SLC30A9: variants seen among roughly 807,000 people sequenced by gnomAD.
SLC30A9 encodes the protein solute carrier family 30 member 9, also known as proton-coupled zinc antiporter SLC30A9, mitochondrial.
A neutral mutation model predicts 87.5 loss-of-function variants in SLC30A9; 58 were observed. The observed-to-expected ratio is 0.66, with a 90% CI of 0.54 to 0.82. SLC30A9 has a LOEUF of 0.82. Ranked by LOEUF, SLC30A9 falls within the 40% of genes least tolerant of loss-of-function variation. SLC30A9 has a pLI of 0.00. For missense variants in SLC30A9, 557 were observed against 679.1 expected, an observed-to-expected ratio of 0.82 and a Z score of 2.00; for synonymous variants, 234 against 233.0, an observed-to-expected ratio of 1.00 and a Z score of -0.04.
intron 1 of SLC30A9, among the ~76,000 whole-genome samples, chr4:41,999,768 T>A (rs761130123): frequency 4.6e-5 from 7 of 152,142 alleles, no homozygotes; most frequent in Non-Finnish European, 7.4e-5. Flanking sequence ...TCTGGATCTA[T>A]TCACATAGAA....
intron 2 of SLC30A9, among the ~76,000 whole-genome samples, chr4:42,010,987 G>T (rs931554884): frequency 1.3e-5 from 2 of 152,118 alleles, no homozygotes; most frequent in African/African-American, 4.8e-5. Context: ...CACCCCCACA[G>T]AAGGAGACTG....
intron 17 of SLC30A9, among the ~76,000 whole-genome samples, chr4:42,083,257 G>T (rs1309408997): frequency 6.6e-6 from 1 of 152,068 alleles, no homozygotes; most frequent in Non-Finnish European, 1.5e-5. Context: ...TGTAATTTGG[G>T]CTTTAACTCT....
chr4:42,012,474 T>A (rs1577683832), intron 2 of SLC30A9, among the ~76,000 whole-genome samples: 2 of 152,172 alleles, frequency 1.3e-5, no homozygotes, highest in Admixed American at 1.3e-4. Flanking sequence ...TTTTCTAAAA[T>A]TTTGGGAGGT....
chr4:42,075,053 A>T (rs1358034590), intron 15 of SLC30A9, among the ~76,000 whole-genome samples: 6 of 23,280 alleles, frequency 2.6e-4, no homozygotes, highest in East Asian at 4.3e-3. Context: ...ATATATATAT[A>T]TATATATTTT....
At chr4:42,072,810 TC>T (rs1180531191) in intron 15 of SLC30A9, among the ~76,000 whole-genome samples, 1 of 121,420 alleles carries the variant, frequency 8.2e-6, no homozygotes. Context: ...TATTGTTCTA[TC>T]CTTTTTTTTT....
chr4:42,033,825 T>C (rs1716559372), intron 6 of SLC30A9, among the ~76,000 whole-genome samples: 3 of 152,210 alleles, frequency 2.0e-5, no homozygotes, highest in African/African-American at 7.2e-5. Flanking sequence ...TCCACCCGCC[T>C]TGGCCTCCCA....
Position 42,034,686 on chromosome 4 carries a change from C to A in SLC30A9, c.611-589C>A, listed in dbSNP as rs548090236. Among the ~76,000 whole-genome samples, 13 of 152,262 alleles carry A rather than the reference C, an allele frequency of 8.5e-5. No homozygotes were observed. In the South Asian group the frequency reaches 2.7e-3, roughly 32 times the overall value. ...ATCCATTCATTCATCCATCCATGGA[C>A]ATTTGGGTTGCTTCACCTCTTGACT... On this transcript the variant is annotated intron_variant, in intron 6 of 17. Coordinates refer to ENST00000264451, the MANE Select transcript of SLC30A9 (RefSeq NM_006345.4).
intron 2 of SLC30A9, among the ~76,000 whole-genome samples, chr4:42,006,138 T>C (rs1056120956): frequency 2.6e-5 from 4 of 152,202 alleles, no homozygotes; most frequent in Admixed American, 2.0e-4. Context: ...TGATTTAAAG[T>C]ACATGGGAGG....
intron 7 of SLC30A9, 73 bp downstream of exon 7, chr4:42,035,406 T>A: frequency 6.6e-7 from 1 of 1,522,560 alleles, no homozygotes; most frequent in African/African-American, 1.4e-5. Context: ...CATTGTAAAA[T>A]TCTAGCATGT....
At chr4:42,057,411 G>T (rs1717667215) in intron 9 of SLC30A9, among the ~76,000 whole-genome samples, 1 of 152,180 alleles carries the variant, frequency 6.6e-6, no homozygotes, top group African/African-American at 2.4e-5. Flanking sequence ...GCACCCACAG[G>T]CCCAACACCA....
chr4:42,059,697 TACAA>T (rs1717766412), intron 9 of SLC30A9, among the ~76,000 whole-genome samples: 2 of 152,308 alleles, frequency 1.3e-5, no homozygotes, highest in African/African-American at 4.8e-5. Context: ...TCTTCAGAGA[TACAA>T]ACATAGTTAC....
chr4:42,034,536 G>C (rs949390319), intron 6 of SLC30A9, among the ~76,000 whole-genome samples: 9 of 151,746 alleles, frequency 5.9e-5, no homozygotes, highest in Admixed American at 5.9e-4. Context: ...ATGTCCTTTT[G>C]AGATGGGCTT....
At chr4:42,018,739 C>T (rs1391256385) in intron 3 of SLC30A9, among the ~76,000 whole-genome samples, 1 of 152,156 alleles carries the variant, frequency 6.6e-6, no homozygotes, top group East Asian at 1.9e-4. Context: ...TACTTGACTT[C>T]TCTGAGGCTT....
At chr4:42,074,705 T>C (rs1333712886) in intron 15 of SLC30A9, among the ~76,000 whole-genome samples, 2 of 152,108 alleles carry the variant, frequency 1.3e-5, no homozygotes, top group Non-Finnish European at 2.9e-5. Flanking sequence ...TATCCACTTA[T>C]GAAAGCCATC....
intron 15 of SLC30A9, 117 bp from the exon 16 acceptor site, chr4:42,075,540 T>G (rs1718516093): frequency 1.1e-6 from 1 of 870,408 alleles, no homozygotes; most frequent in South Asian, 1.6e-5. Context: ...GAAGCCATCT[T>G]AGTCCATTCT....
At chr4:42,070,427 A>T (rs1426766315) in intron 14 of SLC30A9, 99 bp from the exon 15 acceptor site, 1 of 855,934 alleles carries the variant, frequency 1.2e-6, no homozygotes, top group African/African-American at 1.7e-5. Context: ...ATAAATTTCA[A>T]GTGCCTTGAT....
chr4:42,053,399 T>C (rs1717463124), intron 9 of SLC30A9, among the ~76,000 whole-genome samples: 2 of 152,106 alleles, frequency 1.3e-5, no homozygotes, highest in African/African-American at 4.8e-5. Flanking sequence ...AAGATTTGTA[T>C]AAGAATGTTG....
chr4:42,035,578 A>T (rs1033954869), intron 7 of SLC30A9, among the ~76,000 whole-genome samples: 7 of 151,226 alleles, frequency 4.6e-5, no homozygotes, highest in Non-Finnish European at 1.0e-4. Context: ...GCTCACTGCA[A>T]TCTCCGCCTC....
At chr4:42,072,391 T>C (rs1392240920) in intron 15 of SLC30A9, among the ~76,000 whole-genome samples, 1 of 152,142 alleles carries the variant, frequency 6.6e-6, no homozygotes, top group Non-Finnish European at 1.5e-5. Flanking sequence ...AAATAGACAA[T>C]TACAGCTACA....
Sources: gnomAD v4.1 joint callset for allele counts (sites outside exome capture counted in the v4.1 genomes callset) on GRCh38, gnomAD v4.1.1 for gene constraint, MANE v1.5 for transcripts, NCBI Gene and HGNC (gene_info 2026-07-23, HGNC 2026-07-21) for gene names.